Variants in PDE3A observed in about 807,000 individuals in gnomAD.
PDE3A encodes the protein phosphodiesterase 3A, also known as cGMP-inhibited 3',5'-cyclic phosphodiesterase 3A.
A neutral mutation model predicts 98.3 loss-of-function variants in PDE3A; 43 were observed. That is an observed-to-expected ratio of 0.44 (90% CI 0.34 to 0.56). PDE3A has a LOEUF of 0.56. PDE3A is among the 20% of genes least tolerant of loss of function. The pLI is 0.01. For missense variants in PDE3A, 1,427 were observed against 1,440.7 expected, an observed-to-expected ratio of 0.99 and a Z score of 0.15; for synonymous variants, 663 against 567.9, an observed-to-expected ratio of 1.17 and a Z score of -2.38.
At chr12:20,637,546 C>A (rs900483380) in intron 9 of PDE3A, among the ~76,000 whole-genome samples, 1 of 152,122 alleles carries the variant, frequency 6.6e-6, no homozygotes, top group African/African-American at 2.4e-5. Context: ...AAATCTGACA[C>A]AAGCCTCTAA....
At position 20,400,379 on chromosome 12, in the gene PDE3A, GTTTTTTTTT is replaced by G. The variant is rs75851941; in HGVS notation, c.960+30172_960+30180del. 3.0e-3 allele frequency among the ~76,000 whole-genome samples: 334 copies of G among 110,210 alleles called. 1 individual carries two copies. The highest frequency in any genetic ancestry group is 5.8e-3 in the African/African-American group (139 of 24,078). 72.3% of individuals were successfully genotyped at this position (110,210 alleles called of 152,430 possible). A position where few individuals can be genotyped will look rare whatever the true frequency, so the allele number is the denominator to read the frequency against. On this transcript the variant is annotated intron_variant, in intron 1 of 15. Coordinates refer to ENST00000359062, the MANE Select transcript of PDE3A (RefSeq NM_000921.5). ...AGCTCATGTTGACTCGTTAACATTGGTTTTTTTTTTTTTTTTTTTTTTTTTTTTTTTTTT... is the reference window on the plus strand; with the variant it reads ...AGCTCATGTTGACTCGTTAACATTGGTTTTTTTTTTTTTTTTTTTTTTTTT...
chr12:20,428,437 G>A (rs1430228841), intron 1 of PDE3A, among the ~76,000 whole-genome samples: 1 of 151,778 alleles, frequency 6.6e-6, no homozygotes, highest in African/African-American at 2.4e-5. Flanking sequence ...CCGCCGCCAC[G>A]CCCGGCTAAT....
intron 2 of PDE3A, among the ~76,000 whole-genome samples, chr12:20,597,720 C>T (rs1014537200): frequency 2.0e-5 from 3 of 152,182 alleles, no homozygotes; most frequent in African/African-American, 7.2e-5. Flanking sequence ...CTCCTTTATC[C>T]TCTAACCCCT....
chr12:20,585,608 A>T (rs1943174234), intron 2 of PDE3A, among the ~76,000 whole-genome samples: 1 of 151,180 alleles, frequency 6.6e-6, no homozygotes, highest in African/African-American at 2.4e-5. Flanking sequence ...GTAAATGGTA[A>T]TAACAGTCTC....
intron 10 of PDE3A, among the ~76,000 whole-genome samples, chr12:20,644,858 C>T (rs542899200): frequency 1.9e-3 from 278 of 145,796 alleles, no homozygotes; most frequent in Non-Finnish European, 3.0e-3. Flanking sequence ...CCTCCCCCTC[C>T]TCCCCCTCTT....
At position 20,680,175 on chromosome 12, in the gene PDE3A, G is replaced by T. The variant is rs747690834; in HGVS notation, c.3330G>T (p.Ser1110=). Residue 1110 remains serine, a synonymous_variant, in exon 16 of 16, where the codon TCG becomes TCT. Coordinates refer to ENST00000359062, the MANE Select transcript of PDE3A (RefSeq NM_000921.5). ...ENQSLDQTPQ[S]HSSEQIQAIK... is the part of the protein sequence containing the mutation. ...AATCCCTGGACCAGACCCCTCAGTC[G>T]CACTCTTCAGAACAGATCCAGGCTA... is the stretch of plus-strand genomic sequence containing the variant. 1 of 1,613,492 alleles carries T rather than the reference G, an allele frequency of 6.2e-7. No individual in the cohort carries two copies. The highest frequency in any genetic ancestry group is 1.1e-5 in the South Asian group (1 of 91,070).
chr12:20,561,866 C>G (rs552914918), intron 2 of PDE3A, among the ~76,000 whole-genome samples: 2 of 152,222 alleles, frequency 1.3e-5, no homozygotes, highest in South Asian at 4.1e-4. Context: ...ACTTTTTAGA[C>G]GCAGCAAGAA....
At chr12:20,677,858 T>C (rs909344925) in intron 15 of PDE3A, among the ~76,000 whole-genome samples, 6 of 152,152 alleles carry the variant, frequency 3.9e-5, no homozygotes, top group African/African-American at 1.4e-4. Flanking sequence ...GTCTCTATGA[T>C]TTATTTGACT....
At chr12:20,673,907 G>C (rs945899146) in intron 15 of PDE3A, among the ~76,000 whole-genome samples, 6 of 151,896 alleles carry the variant, frequency 4.0e-5, no homozygotes, top group African/African-American at 7.2e-5. Flanking sequence ...TCCATACATT[G>C]CTTGGGTAGA....
intron 1 of PDE3A, among the ~76,000 whole-genome samples, chr12:20,383,953 G>A (rs1196536171): frequency 1.3e-5 from 2 of 151,942 alleles, no homozygotes; most frequent in African/African-American, 4.8e-5. Context: ...AACCAATTAA[G>A]ATTGTTGCAA....
chr12:20,512,518 G>A (rs889029091), intron 1 of PDE3A, among the ~76,000 whole-genome samples: 1 of 152,018 alleles, frequency 6.6e-6, no homozygotes, highest in Non-Finnish European at 1.5e-5. Context: ...TTTCAGCAGA[G>A]GAATCAGGTA....
intron 10 of PDE3A, among the ~76,000 whole-genome samples, chr12:20,644,247 C>T (rs1260363452): frequency 6.6e-6 from 1 of 152,084 alleles, no homozygotes; most frequent in African/African-American, 2.4e-5. Flanking sequence ...CTTACAAATC[C>T]AGCATTGATT....
chr12:20,683,984 A>G lies in PDE3A; in HGVS notation c.*3713A>G, dbSNP rs1353466666. On this transcript the variant is annotated 3_prime_UTR_variant, in exon 16 of 16. Coordinates refer to ENST00000359062, the MANE Select transcript of PDE3A (RefSeq NM_000921.5). ...TTTCTTTGAAGGTAAAAGCTGTGCA[A>G]AAGGCATGAGACTCAGGCCTACTCT... The G allele has an allele frequency of 6.6e-6, 1 of 152,164 alleles. No individual in the cohort carries two copies. The highest frequency in any genetic ancestry group is 2.4e-5 in the African/African-American group (1 of 41,444). The allele number at this position is 152,164 out of a possible 1,614,324, so 9.4% of individuals were successfully genotyped here. A position where few individuals can be genotyped will look rare whatever the true frequency, so the allele number is the denominator to read the frequency against.
At chr12:20,413,543 G>A (rs2120719904) in intron 1 of PDE3A, among the ~76,000 whole-genome samples, 1 of 152,224 alleles carries the variant, frequency 6.6e-6, no homozygotes, top group South Asian at 2.1e-4. Context: ...GCTGTAGAAT[G>A]CTGGGGAAAT....
intron 1 of PDE3A, among the ~76,000 whole-genome samples, chr12:20,494,325 A>G (rs1945880174): frequency 6.6e-6 from 1 of 152,182 alleles, no homozygotes; most frequent in African/African-American, 2.4e-5. Flanking sequence ...TTTTCTTGAT[A>G]CCACCATATG....
chr12:20,404,779 C>T (rs1172379972), intron 1 of PDE3A, among the ~76,000 whole-genome samples: 3 of 150,794 alleles, frequency 2.0e-5, no homozygotes, highest in African/African-American at 7.3e-5. Flanking sequence ...GAGCTATTGG[C>T]CACGTGCCAG....
chr12:20,609,247 C>G (rs974592741), intron 2 of PDE3A, among the ~76,000 whole-genome samples: 2 of 151,688 alleles, frequency 1.3e-5, no homozygotes, highest in African/African-American at 2.4e-5. Context: ...AATCAACAGA[C>G]AAAAATCAAT....
intron 4 of PDE3A, among the ~76,000 whole-genome samples, chr12:20,619,460 A>G (rs1183610257): frequency 6.6e-6 from 1 of 152,066 alleles, no homozygotes; most frequent in Non-Finnish European, 1.5e-5. Context: ...GTAATAACCT[A>G]TTCACTGTAT....
chr12:20,458,408 G>A (rs1945190200), intron 1 of PDE3A, among the ~76,000 whole-genome samples: 1 of 151,434 alleles, frequency 6.6e-6, no homozygotes, highest in African/African-American at 2.4e-5. Context: ...ATTTTGGGTT[G>A]ATGTTAGACA....
Sources: allele counts gnomAD v4.1 joint callset (sites outside exome capture counted in the v4.1 genomes callset), GRCh38; gene constraint gnomAD v4.1.1; transcripts MANE v1.5; gene names NCBI Gene and HGNC (gene_info 2026-07-23, HGNC 2026-07-21).